PRKAG2: variants seen among roughly 807,000 people sequenced by gnomAD.
The protein encoded by PRKAG2 is protein kinase AMP-activated non-catalytic subunit gamma 2.
Under a neutral mutation model 69.6 loss-of-function variants are expected in PRKAG2, and 26 were observed. The ratio of observed to expected loss-of-function variants is 0.37; its 90% confidence interval spans 0.27 to 0.52. The LOEUF is 0.52. PRKAG2 is among the 20% of genes least tolerant of loss of function. The pLI is 0.90. For synonymous variants in PRKAG2, 293 were observed against 285.0 expected, an observed-to-expected ratio of 1.03 and a Z score of -0.28; for missense variants, 557 against 740.0, an observed-to-expected ratio of 0.75 and a Z score of 2.87.
At chr7:151,858,938 C>G (rs2079851159) in intron 1 of PRKAG2, among the ~76,000 whole-genome samples, 1 of 152,204 alleles carries the variant, frequency 6.6e-6, no homozygotes, top group Non-Finnish European at 1.5e-5. Context: ...TAGGAGGCCC[C>G]TCTTCCTGCT....
rs1163334410 is a variant in PRKAG2 at position 151,773,023 on chromosome 7, A to AAGAG, written c.466+8125_466+8128dup. 7.6e-3 allele frequency among the ~76,000 whole-genome samples: 417 copies of AAGAG among 55,016 alleles called. 3 individuals carry two copies. The highest frequency in any genetic ancestry group is 0.012 in the Non-Finnish European group (338 of 28,344). The allele number at this position is 55,016 out of a possible 152,430, so 36.1% of individuals were successfully genotyped here. A position where few individuals can be genotyped will look rare whatever the true frequency, so the allele number is the denominator to read the frequency against. On this transcript the variant is annotated intron_variant, in intron 3 of 15. Transcript: ENST00000287878. ...AAAGAAAGAAAGAAAGAAAGAAAGA[A>AAGAG]AGAGAGAGAGAGAGAGAGAGAGAGA... is the stretch of plus-strand genomic sequence containing the variant.
Position 151,857,568 on chromosome 7 carries a change from C to T in PRKAG2, c.114+18939G>A, listed in dbSNP as rs533634405. Among the ~76,000 whole-genome samples, 127 of 152,344 alleles carry T rather than the reference C, an allele frequency of 8.3e-4. 1 individual carries two copies. Among genetic ancestry groups the T allele is most frequent in the Middle Eastern group, 3.4e-3 (1 of 294 alleles). On this transcript the variant is annotated intron_variant, in intron 1 of 15. Transcript: ENST00000287878. ...GTTGTGTGTGGGCTCAGGCGCCAGA[C>T]GGCTCCGGCTTGATGCCCGGCTGTG...
At chr7:151,706,108 G>C (rs1838557403) in intron 3 of PRKAG2, among the ~76,000 whole-genome samples, 1 of 152,178 alleles carries the variant, frequency 6.6e-6, no homozygotes. Context: ...CACAACTTCA[G>C]TGTGACTCAG....
intron 6 of PRKAG2, among the ~76,000 whole-genome samples, chr7:151,591,526 A>G (rs1474601186): frequency 6.6e-6 from 1 of 152,148 alleles, no homozygotes; most frequent in Non-Finnish European, 1.5e-5. Context: ...GGCCTGAAAC[A>G]CTGGAGACAC....
chr7:151,703,246 C>T (rs1381007694), intron 3 of PRKAG2, among the ~76,000 whole-genome samples: 1 of 152,204 alleles, frequency 6.6e-6, no homozygotes, highest in East Asian at 1.9e-4. Flanking sequence ...TGAATGGCAC[C>T]CTGCAAAGGA....
chr7:151,681,401 G>A (rs1585724737), intron 3 of PRKAG2, among the ~76,000 whole-genome samples: 1 of 152,184 alleles, frequency 6.6e-6, no homozygotes. Flanking sequence ...ACTACAGAGG[G>A]GGAAGGGAAA....
chr7:151,819,551 T>C (rs564353793), intron 1 of PRKAG2, among the ~76,000 whole-genome samples: 3 of 152,272 alleles, frequency 2.0e-5, no homozygotes, highest in Non-Finnish European at 4.4e-5. Context: ...GGTACCTCCA[T>C]CCAGGTAGAA....
Position 151,632,410 on chromosome 7 carries a change from G to A in PRKAG2, c.685-272C>T. On this transcript the variant is annotated intron_variant, in intron 4 of 15. Coordinates refer to ENST00000287878, the MANE Select transcript of PRKAG2 (RefSeq NM_016203.4). The surrounding 1 kb of genome is among the most constrained non-coding windows in gnomAD (Gnocchi z 4.2). ...CCGCTCCCCCCCGCGCCTTGGTACG[G>A]CCCGCCCGGGAGGAAGCGTGGGAAG... The A allele has an allele frequency of 3.9e-6, 2 of 511,084 alleles. No individual in the cohort carries two copies. Among genetic ancestry groups the A allele is most frequent in the Non-Finnish European group, 5.0e-6 (2 of 397,784 alleles). 31.7% of individuals were successfully genotyped at this position (511,084 alleles called of 1,614,324 possible).
rs74635237 is a variant in PRKAG2 at position 151,859,557 on chromosome 7, G to A, written c.114+16950C>T. Among the ~76,000 whole-genome samples, 875 of 152,302 alleles carry A rather than the reference G, an allele frequency of 5.7e-3. 8 individuals carry two copies. Among genetic ancestry groups the A allele is most frequent in the Non-Finnish European group, 9.7e-3 (662 of 68,020 alleles). The stretch of plus-strand genomic sequence containing the variant: ...TTAGCGAATAGGGAAGACTTCCCAG[G>A]GGCGAGGACTGTGAGAGTGGAGGTG... On this transcript the variant is annotated intron_variant, in intron 1 of 15. Transcript: ENST00000287878.
chr7:151,628,087 G>C (rs1823456151), intron 5 of PRKAG2, among the ~76,000 whole-genome samples: 1 of 152,226 alleles, frequency 6.6e-6, no homozygotes, highest in African/African-American at 2.4e-5. Flanking sequence ...GACACTCTCT[G>C]CTAAGAAGCG....
chr7:151,660,534 C>T (rs1483748372), intron 4 of PRKAG2, among the ~76,000 whole-genome samples: 1 of 152,164 alleles, frequency 6.6e-6, no homozygotes, highest in African/African-American at 2.4e-5. Flanking sequence ...ATATTAGAAC[C>T]AGTAGTTTGC....
intron 6 of PRKAG2, among the ~76,000 whole-genome samples, chr7:151,577,676 C>G (rs1809306831): frequency 6.6e-6 from 1 of 151,934 alleles, no homozygotes; most frequent in South Asian, 2.1e-4. Flanking sequence ...CAACAATGTT[C>G]CATGTGACAT....
At chr7:151,685,384 T>G (rs577273862) in intron 3 of PRKAG2, among the ~76,000 whole-genome samples, 2 of 152,336 alleles carry the variant, frequency 1.3e-5, no homozygotes, top group Non-Finnish European at 2.9e-5. Context: ...TCAGCACCCC[T>G]TTACACTCTT....
At chr7:151,601,512 CA>C (rs984535747) in intron 5 of PRKAG2, among the ~76,000 whole-genome samples, 4 of 152,088 alleles carry the variant, frequency 2.6e-5, no homozygotes, top group African/African-American at 7.2e-5. Flanking sequence ...AGGAAAAATT[CA>C]AAAGAAAGGG....
chr7:151,741,032 C>T (rs567410945), intron 3 of PRKAG2, among the ~76,000 whole-genome samples: 80 of 152,208 alleles, frequency 5.3e-4, no homozygotes, highest in Non-Finnish European at 8.4e-4. Context: ...CAGCTTCTAA[C>T]AAAAATTGTT....
At position 151,703,243 on chromosome 7, in the gene PRKAG2, C is replaced by T. The variant is rs1585897446; in HGVS notation, c.467-27606G>A. Among the ~76,000 whole-genome samples, 3 of 152,368 alleles carry T rather than the reference C, an allele frequency of 2.0e-5. No individual in the cohort carries two copies. In the South Asian group the frequency reaches 6.2e-4, roughly 32 times the overall value. ...GCACCTTCTCCGTCACAGTGAATGG[C>T]ACCCTGCAAAGGACTGCGGGTGCTC... is the stretch of plus-strand genomic sequence containing the variant. On this transcript the variant is annotated intron_variant, in intron 3 of 15. Coordinates refer to ENST00000287878, the MANE Select transcript of PRKAG2 (RefSeq NM_016203.4).
At chr7:151,759,809 G>A (rs1461923077) in intron 3 of PRKAG2, among the ~76,000 whole-genome samples, 1 of 152,220 alleles carries the variant, frequency 6.6e-6, no homozygotes, top group Admixed American at 6.5e-5. Flanking sequence ...AGGGGACCCC[G>A]ACCTACTCTC....
chr7:151,559,776 G>A, intron 15 of PRKAG2: 2 of 985,320 alleles, frequency 2.0e-6, no homozygotes, highest in Non-Finnish European at 2.4e-6. Flanking sequence ...TCCCACATCG[G>A]GTCCATGTGG....
chr7:151,856,146 G>A (rs1052698811), intron 1 of PRKAG2, among the ~76,000 whole-genome samples: 4 of 152,208 alleles, frequency 2.6e-5, no homozygotes, highest in Admixed American at 6.5e-5. Context: ...AACCTACATA[G>A]GGTATCATTT....
Sources: gnomAD v4.1 joint callset for allele counts (sites outside exome capture counted in the v4.1 genomes callset) on GRCh38, gnomAD v4.1.1 for gene constraint, Gnocchi (gnomAD v3.1) non-coding constraint, MANE v1.5 for transcripts, NCBI Gene and HGNC (gene_info 2026-07-23, HGNC 2026-07-21) for gene names.